Variants in ST8SIA4 observed in about 807,000 individuals in gnomAD.
ST8SIA4 encodes CMP-N-acetylneuraminate-poly-alpha-2,8-sialyltransferase.
A neutral mutation model predicts 33.9 loss-of-function variants in ST8SIA4; 15 were observed. The ratio of observed to expected loss-of-function variants is 0.44; its 90% CI spans 0.30 to 0.68. The LOEUF is 0.68. Among genes scored for constraint, ST8SIA4 ranks in the 30% least tolerant of loss-of-function variants. The pLI, the probability that ST8SIA4 is intolerant of heterozygous loss-of-function variation, is 0.10. For synonymous variants in ST8SIA4, 171 were observed against 151.2 expected (o/e 1.13, Z -0.96); for missense variants, 321 against 428.0 (o/e 0.75, Z 2.21).
intron 4 of ST8SIA4, among the ~76,000 whole-genome samples, chr5:100,824,770 A>C (rs1274479176): frequency 2.0e-5 from 3 of 152,056 alleles, no homozygotes; most frequent in Non-Finnish European, 4.4e-5. Flanking sequence ...TTAGTTAATA[A>C]GATCCTTAGG....
chr5:100,828,071 ACATCT>A (rs1751179060), intron 4 of ST8SIA4, among the ~76,000 whole-genome samples: 1 of 152,174 alleles, frequency 6.6e-6, no homozygotes, highest in Non-Finnish European at 1.5e-5. Context: ...CAGTTCTGGG[ACATCT>A]CACTAATCAG....
At chr5:100,888,964 A>G (rs1319397427) in intron 2 of ST8SIA4, among the ~76,000 whole-genome samples, 1 of 151,908 alleles carries the variant, frequency 6.6e-6, no homozygotes, top group Non-Finnish European at 1.5e-5. Context: ...AGAAAATCCT[A>G]TACAAATGCT....
chr5:100,836,836 A>G (rs1275175760), intron 4 of ST8SIA4, among the ~76,000 whole-genome samples: 1 of 152,064 alleles, frequency 6.6e-6, no homozygotes, highest in Non-Finnish European at 1.5e-5. Context: ...AAAATCCATC[A>G]GAGAAAATTG....
chr5:100,857,380 A>AT (rs569960309), intron 3 of ST8SIA4, among the ~76,000 whole-genome samples: 65 of 148,542 alleles, frequency 4.4e-4, no homozygotes, highest in African/African-American at 1.0e-3. Flanking sequence ...AAATAGCTTC[A>AT]TTTTTTTTTT....
intron 4 of ST8SIA4, among the ~76,000 whole-genome samples, chr5:100,834,300 T>C (rs1029854241): frequency 1.3e-5 from 2 of 152,100 alleles, no homozygotes; most frequent in Non-Finnish European, 2.9e-5. Context: ...AAATTAGAAA[T>C]TAGCATTTAG....
At chr5:100,857,687 A>G (rs1279438688) in intron 3 of ST8SIA4, among the ~76,000 whole-genome samples, 1 of 152,036 alleles carries the variant, frequency 6.6e-6, no homozygotes, top group African/African-American at 2.4e-5. Flanking sequence ...ATTAAAAAGT[A>G]AAGTATGTGT....
intron 3 of ST8SIA4, among the ~76,000 whole-genome samples, chr5:100,865,441 A>G (rs1291566358): frequency 6.6e-6 from 1 of 151,982 alleles, no homozygotes; most frequent in African/African-American, 2.4e-5. Flanking sequence ...CTCAATTCAC[A>G]CCTCACTTCT....
intron 4 of ST8SIA4, among the ~76,000 whole-genome samples, chr5:100,834,224 C>T (rs1033612472): frequency 6.6e-6 from 1 of 152,062 alleles, no homozygotes; most frequent in Non-Finnish European, 1.5e-5. Context: ...AATAATAAAA[C>T]ATAGAACGCT....
intron 3 of ST8SIA4, among the ~76,000 whole-genome samples, chr5:100,865,357 C>T (rs1206824993): frequency 1.3e-5 from 2 of 152,094 alleles, no homozygotes; most frequent in Non-Finnish European, 2.9e-5. Flanking sequence ...AAAAAATAGT[C>T]CAATTGATCA....
intron 3 of ST8SIA4, among the ~76,000 whole-genome samples, chr5:100,866,762 G>A (rs972823626): frequency 6.6e-5 from 10 of 152,142 alleles, no homozygotes; most frequent in Non-Finnish European, 1.0e-4. Context: ...ACCAGCCCAA[G>A]GTCATTGATT....
chr5:100,851,983 G>T (rs569071182), intron 4 of ST8SIA4, among the ~76,000 whole-genome samples: 5 of 151,460 alleles, frequency 3.3e-5, no homozygotes, highest in African/African-American at 1.2e-4. Context: ...ATATTAAGTT[G>T]TATATTAATA....
In ST8SIA4 at chr5:100,885,101, C is replaced by T. The variant is rs565179776; in HGVS notation, c.503+1242G>A. Among the ~76,000 whole-genome samples, 27 of 152,256 alleles carry T rather than the reference C, an allele frequency of 1.8e-4. No homozygotes were observed. In the South Asian group the frequency reaches 3.5e-3, roughly 20 times the overall value. ...TCACAGCTATACTTCGCATAGACTT[C>T]GACATTTGAAGCTCCTGATTTCCAC... On this transcript the variant is annotated intron_variant, in intron 3 of 4. Transcript: ENST00000231461.
At chr5:100,827,146 T>C (rs998574230) in intron 4 of ST8SIA4, among the ~76,000 whole-genome samples, 1 of 152,216 alleles carries the variant, frequency 6.6e-6, no homozygotes, top group Non-Finnish European at 1.5e-5. Flanking sequence ...GTCAGAAGTT[T>C]TGAAGTTCTA....
intron 3 of ST8SIA4, among the ~76,000 whole-genome samples, chr5:100,870,377 T>A (rs1380989101): frequency 3.3e-5 from 5 of 152,176 alleles, no homozygotes; most frequent in African/African-American, 7.2e-5. Context: ...TGTTGAATAA[T>A]CATTCAGATG....
intron 1 of ST8SIA4, among the ~76,000 whole-genome samples, chr5:100,899,620 T>C (rs1291892706): frequency 6.6e-6 from 1 of 152,138 alleles, no homozygotes; most frequent in African/African-American, 2.4e-5. Context: ...ACCAGAAAAA[T>C]AGTGTGTAGC....
chr5:100,866,612 A>AC (rs1752066929), intron 3 of ST8SIA4, among the ~76,000 whole-genome samples: 4 of 148,990 alleles, frequency 2.7e-5, no homozygotes, highest in African/African-American at 1.0e-4. Flanking sequence ...ACACACACAC[A>AC]AATACATATT....
At chr5:100,815,470 CTTTTG>C (rs1314672693) in intron 4 of ST8SIA4, among the ~76,000 whole-genome samples, 1 of 149,106 alleles carries the variant, frequency 6.7e-6, no homozygotes, top group African/African-American at 2.5e-5. Flanking sequence ...CTTTCCTTCC[CTTTTG>C]TTTTATTATT....
intron 2 of ST8SIA4, 77 bp from the exon 3 acceptor site, chr5:100,886,677 C>A: frequency 8.1e-7 from 1 of 1,232,366 alleles, no homozygotes; most frequent in Middle Eastern, 1.9e-4. Context: ...TACAAAGTAA[C>A]TTAAGACAAA....
chr5:100,894,680 A>T (rs1199394559), intron 2 of ST8SIA4, among the ~76,000 whole-genome samples: 2 of 152,074 alleles, frequency 1.3e-5, no homozygotes, highest in Non-Finnish European at 2.9e-5. Context: ...TACTCTAAAG[A>T]TGAGTGTAAT....
Sources: gnomAD v4.1 joint callset for allele counts (sites outside exome capture counted in the v4.1 genomes callset) on GRCh38, gnomAD v4.1.1 for gene constraint, MANE v1.5 for transcripts, NCBI Gene and HGNC (gene_info 2026-07-23, HGNC 2026-07-21) for gene names.